Variants in WWP2 observed in about 807,000 individuals in gnomAD.
The protein encoded by WWP2 is WW domain containing E3 ubiquitin protein ligase 2, also known as NEDD4-like E3 ubiquitin-protein ligase WWP2.
A neutral mutation model predicts 121.0 loss-of-function variants in WWP2; 57 were observed. The ratio of observed to expected loss-of-function variants is 0.47; its 90% CI spans 0.38 to 0.59. The LOEUF (loss-of-function observed/expected upper bound fraction) is 0.59. Ranked by LOEUF, WWP2 falls within the 20% of genes least tolerant of loss-of-function variation. The probability of loss-of-function intolerance (pLI) is 0.00; values close to 1 mark genes in which losing one functional copy is unlikely to be tolerated. For missense variants in WWP2, 962 were observed against 1,158.9 expected (o/e 0.83, Z 2.47); for synonymous variants, 449 against 441.3 (o/e 1.02, Z -0.22).
At chr16:69,903,491 G>A (rs373060243) in intron 8 of WWP2, among the ~76,000 whole-genome samples, 99 of 152,194 alleles carry the variant, frequency 6.5e-4, no homozygotes, top group Non-Finnish European at 5.4e-4. Flanking sequence ...AAAAATGGCC[G>A]GGCGCAGTGG....
chr16:69,903,127 G>A lies in WWP2; in HGVS notation c.915-5634G>A, dbSNP rs541449197. On this transcript the variant is annotated intron_variant, in intron 8 of 23. Transcript: ENST00000359154. ...TTCATAGAAGGACATTGAGCTTTGC[G>A]GGACAATAATAGTCCCTGAAAGAGA... Among the ~76,000 whole-genome samples the A allele has an allele frequency of 1.1e-3, 171 of 152,262 alleles. 1 individual carries two copies. The highest frequency in any genetic ancestry group is 3.9e-3 in the African/African-American group (162 of 41,550).
chr16:69,814,609 T>C (rs1487226461), intron 4 of WWP2, among the ~76,000 whole-genome samples: 2 of 152,248 alleles, frequency 1.3e-5, no homozygotes, highest in Non-Finnish European at 2.9e-5. Flanking sequence ...CTCGTGTGTC[T>C]ACCAGATTCA....
intron 7 of WWP2, among the ~76,000 whole-genome samples, chr16:69,887,147 T>G (rs2057939610): frequency 6.6e-6 from 1 of 152,146 alleles, no homozygotes; most frequent in Admixed American, 6.5e-5. Context: ...TAGGGAGACT[T>G]GGGGACTAGT....
intron 4 of WWP2, among the ~76,000 whole-genome samples, chr16:69,836,659 G>A (rs978112442): frequency 6.6e-6 from 1 of 152,154 alleles, no homozygotes; most frequent in South Asian, 2.1e-4. Flanking sequence ...CACACAGGCT[G>A]GAGTGCAGTG....
chr16:69,848,416 C>T (rs1448427183), intron 6 of WWP2, among the ~76,000 whole-genome samples: 4 of 151,408 alleles, frequency 2.6e-5, no homozygotes, highest in Non-Finnish European at 5.9e-5. Flanking sequence ...TGCCATTGCA[C>T]TCCAGCCTGG....
At chr16:69,883,025 C>T (rs1347779008) in intron 7 of WWP2, among the ~76,000 whole-genome samples, 1 of 151,662 alleles carries the variant, frequency 6.6e-6, no homozygotes, top group East Asian at 1.9e-4. Context: ...TGGTGGCACT[C>T]GCTTGTAATC....
At chr16:69,913,596 T>G (rs1173725658) in intron 9 of WWP2, among the ~76,000 whole-genome samples, 1 of 152,008 alleles carries the variant, frequency 6.6e-6, no homozygotes, top group Non-Finnish European at 1.5e-5. Flanking sequence ...TATAGGAAGC[T>G]GAAAAACAGC....
rs1176495865 is a variant in WWP2 at position 69,845,923 on chromosome 16, G to A, written c.575+3803G>A. On this transcript the variant is annotated intron_variant, in intron 6 of 23. Transcript: ENST00000359154. ...AAATTAGCCAGGCATGGTGGTGTGT[G>A]CCTATAATCCCAGCTACTCAGAAGG... 4.3e-5 allele frequency among the ~76,000 whole-genome samples: 6 copies of A among 140,480 alleles called. No homozygotes were observed. In the East Asian group the frequency reaches 1.3e-3, roughly 30 times the overall value. The allele number at this position is 140,480 out of a possible 152,430, so 92.2% of individuals were successfully genotyped here. A position where few individuals can be genotyped will look rare whatever the true frequency, so the allele number is the denominator to read the frequency against.
intron 11 of WWP2, among the ~76,000 whole-genome samples, chr16:69,928,546 AGT>A (rs2151986599): frequency 6.6e-6 from 1 of 152,224 alleles, no homozygotes; most frequent in Non-Finnish European, 1.5e-5. Flanking sequence ...GCAGAGGAAA[AGT>A]GTATTTGTTC....
At chr16:69,785,719 C>G (rs113299983) in intron 1 of WWP2, among the ~76,000 whole-genome samples, 1 of 150,966 alleles carries the variant, frequency 6.6e-6, no homozygotes, top group African/African-American at 2.4e-5. Flanking sequence ...CTCCACTTCC[C>G]GAGTTCAAGC....
chr16:69,871,776 C>T, intron 6 of WWP2, 28 bp from the exon 7 acceptor site: 1 of 1,613,282 alleles, frequency 6.2e-7, no homozygotes, highest in Non-Finnish European at 8.5e-7. Context: ...TGACTTATGT[C>T]TGTCTGCTTT....
At chr16:69,798,894 G>T in intron 3 of WWP2, 65 bp downstream of exon 3, 5 of 1,584,192 alleles carry the variant, frequency 3.2e-6, no homozygotes, top group Non-Finnish European at 4.3e-6. Flanking sequence ...GCTCCGAGGG[G>T]GTTGTGGGAG....
At chr16:69,904,224 G>A (rs945470031) in intron 8 of WWP2, among the ~76,000 whole-genome samples, 1 of 152,222 alleles carries the variant, frequency 6.6e-6, no homozygotes. Flanking sequence ...TGAAGCTACA[G>A]TATGTCGGCT....
At chr16:69,868,108 G>A (rs1323710822) in intron 6 of WWP2, among the ~76,000 whole-genome samples, 1 of 152,176 alleles carries the variant, frequency 6.6e-6, no homozygotes, top group Non-Finnish European at 1.5e-5. Flanking sequence ...GGTAACACAA[G>A]AGCCAAAAAC....
chr16:69,812,155 A>G (rs971790913), intron 4 of WWP2, among the ~76,000 whole-genome samples: 2 of 146,946 alleles, frequency 1.4e-5, no homozygotes, highest in Non-Finnish European at 1.5e-5. Flanking sequence ...GTTGAAGAGT[A>G]CAGACCTTTT....
chr16:69,896,792 G>C lies in WWP2; in HGVS notation c.914+8543G>C, dbSNP rs74029744. 7.7e-3 allele frequency among the ~76,000 whole-genome samples: 1,167 copies of C among 151,734 alleles called. 13 individuals are homozygous for C. The highest frequency in any genetic ancestry group is 0.027 in the African/African-American group (1,096 of 41,320). On this transcript the variant is annotated intron_variant, in intron 8 of 23. Coordinates refer to ENST00000359154, the MANE Select transcript of WWP2 (RefSeq NM_001270454.2). ...TATTCTAAGTGTTTCTAAGGTGCTG[G>C]GGACTGCCCAGTTTCCTACCTGGAT...
intron 7 of WWP2, among the ~76,000 whole-genome samples, chr16:69,881,439 A>G (rs1393885071): frequency 1.3e-5 from 2 of 152,250 alleles, no homozygotes; most frequent in Non-Finnish European, 2.9e-5. Context: ...AAGGCAATGC[A>G]GGATCCTGGG....
intron 16 of WWP2, among the ~76,000 whole-genome samples, chr16:69,932,142 C>T (rs1374223484): frequency 2.0e-5 from 3 of 152,194 alleles, no homozygotes; most frequent in Non-Finnish European, 4.4e-5. Flanking sequence ...CCAGCCTGAC[C>T]AACATGGAGA....
At chr16:69,792,139 C>T (rs1324250579) in intron 2 of WWP2, among the ~76,000 whole-genome samples, 1 of 152,116 alleles carries the variant, frequency 6.6e-6, no homozygotes, top group Non-Finnish European at 1.5e-5. Flanking sequence ...TGCGCGGTTT[C>T]CAGTTCCCTT....
Sources: allele counts gnomAD v4.1 joint callset (sites outside exome capture counted in the v4.1 genomes callset), GRCh38; gene constraint gnomAD v4.1.1; transcripts MANE v1.5; gene names NCBI Gene and HGNC (gene_info 2026-07-23, HGNC 2026-07-21).